Variants in DNASE1 observed in about 807,000 individuals in gnomAD.
DNASE1 encodes the protein deoxyribonuclease 1.
A neutral mutation model predicts 33.9 loss-of-function variants in DNASE1; 40 were observed. The ratio of observed to expected loss-of-function variants is 1.18; its 90% CI spans 0.92 to 1.54. DNASE1 has a LOEUF of 1.54. Among genes scored for constraint, DNASE1 ranks in the 40% most tolerant of loss-of-function variants. DNASE1 has a pLI of 0.00. For missense variants in DNASE1, 518 were observed against 372.6 expected, an observed-to-expected ratio of 1.39 and a Z score of -3.21; for synonymous variants, 216 against 160.0, an observed-to-expected ratio of 1.35 and a Z score of -2.64.
chr16:3,663,929 G>A lies in DNASE1; in HGVS notation c.*5976G>A, dbSNP rs948531425. The A allele has an allele frequency of 1.1e-5, 4 of 357,936 alleles. No individual in the cohort carries two copies. The East Asian group carries it at 2.3e-4, about 21-fold the overall frequency. The allele number at this position is 357,936 out of a possible 1,614,324, so 22.2% of individuals were successfully genotyped here. ...AATACAAAAATTTGCTGGGTGTGGT[G>A]GTGTGCACCTGTAGTCCCAGCTACT... On this transcript the variant is annotated 3_prime_UTR_variant, in exon 10 of 10. Transcript: ENST00000407479.
chr16:3,634,514 C>T (rs1360526206), intron 1 of DNASE1, among the ~76,000 whole-genome samples: 9 of 152,028 alleles, frequency 5.9e-5, no homozygotes, highest in Non-Finnish European at 1.3e-4. Context: ...AGGCATGAGC[C>T]ACTGTGCCTG....
intron 1 of DNASE1, among the ~76,000 whole-genome samples, chr16:3,612,997 C>G (rs564943900): frequency 2.0e-5 from 3 of 152,120 alleles, no homozygotes; most frequent in Admixed American, 6.5e-5. Flanking sequence ...TTAAAAGATA[C>G]AGTATCATAA....
chr16:3,663,179 C>T (rs749547619), exon 10 of DNASE1: 4 of 658,682 alleles, frequency 6.1e-6, no homozygotes, highest in South Asian at 2.0e-5. Context: ...TAAAAAAATA[C>T]ACAGCCTCTC....
chr16:3,639,402 C>T (rs556184582), upstream of DNASE1, among the ~76,000 whole-genome samples: 10 of 152,332 alleles, frequency 6.6e-5, no homozygotes, highest in Admixed American at 2.0e-4. Flanking sequence ...AGCACCCCCA[C>T]ACCAACCCCC....
At position 3,655,964 on chromosome 16, in the gene DNASE1, A is replaced by G. The variant is rs917460182; in HGVS notation, c.236+27A>G. The stretch of plus-strand genomic sequence containing the variant: ...TGGGTGACAGTGGCAGGGTCATAGG[A>G]AGGTGACATCTCGTCCACGGCACAG... On this transcript the variant is annotated intron_variant, in intron 3 of 8. Transcript: ENST00000246949. 16 of 1,613,292 alleles carry G rather than the reference A, an allele frequency of 9.9e-6. No homozygotes were observed. The African/African-American group carries it at 1.9e-4, about 19-fold the overall frequency.
chr16:3,642,575 G>A (rs1225583713), upstream of DNASE1, among the ~76,000 whole-genome samples: 1 of 152,210 alleles, frequency 6.6e-6, no homozygotes, highest in Non-Finnish European at 1.5e-5. Context: ...CCCTGCTCTC[G>A]GTGCTGCCGG....
chr16:3,643,443 C>T (rs966394513), intron 1 of DNASE1, among the ~76,000 whole-genome samples: 2 of 152,212 alleles, frequency 1.3e-5, no homozygotes, highest in Non-Finnish European at 2.9e-5. Context: ...AACCCTGCCT[C>T]GCCGGGACAA....
At chr16:3,635,110 A>G (rs1567194805) in intron 1 of DNASE1, among the ~76,000 whole-genome samples, 1 of 152,244 alleles carries the variant, frequency 6.6e-6, no homozygotes, top group East Asian at 1.9e-4. Flanking sequence ...ATGCACCACC[A>G]TGCCTAGCTG....
upstream of DNASE1, among the ~76,000 whole-genome samples, chr16:3,638,736 T>C (rs1317553443): frequency 6.6e-6 from 1 of 152,248 alleles, no homozygotes; most frequent in Non-Finnish European, 1.5e-5. Context: ...CTGTCTCCTC[T>C]TTGTTTTTCT....
intron 1 of DNASE1, among the ~76,000 whole-genome samples, chr16:3,616,296 T>G (rs1321329229): frequency 6.6e-6 from 1 of 152,174 alleles, no homozygotes; most frequent in Non-Finnish European, 1.5e-5. Flanking sequence ...TTTTAATTTT[T>G]TTGCAGAAGT....
At position 3,649,318 on chromosome 16, in the gene DNASE1, A is replaced by C. The variant is rs531123235; in HGVS notation, c.-85-5643A>C. Among the ~76,000 whole-genome samples, 127 of 152,370 alleles carry C rather than the reference A, an allele frequency of 8.3e-4. 1 individual carries two copies. The highest frequency in any genetic ancestry group is 2.6e-3 in the African/African-American group (109 of 41,588). The stretch of plus-strand genomic sequence containing the variant: ...TGGGTTACTGGGCAGTCCTTTTTGC[A>C]TAGGAAAGGCAGAATACCGCCTTGA... On this transcript the variant is annotated intron_variant, in intron 1 of 9. Coordinates refer to the DNASE1 transcript ENST00000407479.
chr16:3,656,348 T>A (rs1294347218), intron 4 of DNASE1, among the ~76,000 whole-genome samples, 163 bp downstream of exon 4: 2 of 150,796 alleles, frequency 1.3e-5, no homozygotes, highest in African/African-American at 4.9e-5. Context: ...GACCAATGGG[T>A]TGAGCAGGTG....
At position 3,658,056 on chromosome 16, in the gene DNASE1, TAAATTTAGGTAAA is replaced by T. The variant is rs2042816887; in HGVS notation, c.*104_*116del. ...ACACACTCGGGTTAAGAAATACCTT[TAAATTTAGGTAAA>T]TAAAGCTCAAGGAGGTGGGGCTGTC... On this transcript the variant is annotated 3_prime_UTR_variant, in exon 9 of 9. Coordinates refer to ENST00000246949, the MANE Select transcript of DNASE1 (RefSeq NM_005223.4). The T allele has an allele frequency of 6.2e-7, 1 of 1,606,476 alleles. No homozygotes were observed. Among genetic ancestry groups the T allele is most frequent in the Non-Finnish European group, 8.5e-7 (1 of 1,175,226 alleles).
intron 1 of DNASE1, among the ~76,000 whole-genome samples, chr16:3,648,748 G>A (rs531136674): frequency 2.6e-5 from 4 of 152,300 alleles, no homozygotes; most frequent in African/African-American, 7.2e-5. Flanking sequence ...TCAGTGTTCT[G>A]CTTTCCCTGA....
In DNASE1 at chr16:3,657,783, C is replaced by T; in HGVS notation, c.768C>T (p.Asn256=). ...TTCCCGACTCGGCTCTTCCCTTTAA[C>T]TTCCAGGCTGCCTATGGCCTGAGTG... is the stretch of plus-strand genomic sequence containing the variant. ...AVVPDSALPF[N]FQAAYGLSDQ... is the part of the protein sequence containing the mutation. The change falls in exon 8 of 9, where the codon AAC becomes AAT. Residue 256 remains asparagine (N), a synonymous_variant. Coordinates refer to ENST00000246949, the MANE Select transcript of DNASE1 (RefSeq NM_005223.4). 6.2e-7 allele frequency: 1 copy of T among 1,614,112 alleles called. No homozygotes were observed. Among genetic ancestry groups the T allele is most frequent in the Non-Finnish European group, 8.5e-7 (1 of 1,180,030 alleles).
At chr16:3,625,851 ACACTT>A (rs1172759229) in intron 1 of DNASE1, among the ~76,000 whole-genome samples, 1 of 152,018 alleles carries the variant, frequency 6.6e-6, no homozygotes, top group African/African-American at 2.4e-5. Flanking sequence ...TGTAATCCCA[ACACTT>A]CAGGAGGCCG....
rs377081589 is a variant in DNASE1, at chr16:3,657,164, C to T, written c.550-23C>T. ...CCAGCGGCCTCCGCATGTCCCAGGG[C>T]CACAGGCAGCGTTTCCTGGTAGGAC... is the stretch of plus-strand genomic sequence containing the variant. On this transcript the variant is annotated intron_variant, in intron 6 of 8. Coordinates refer to ENST00000246949, the MANE Select transcript of DNASE1 (RefSeq NM_005223.4). The T allele has an allele frequency of 1.6e-5, 26 of 1,614,056 alleles. No individual in the cohort carries two copies. In the African/African-American group the frequency reaches 2.9e-4, roughly 18 times the overall value.
intron 1 of DNASE1, among the ~76,000 whole-genome samples, chr16:3,614,599 G>A (rs2041034146): frequency 6.6e-6 from 1 of 152,162 alleles, no homozygotes; most frequent in Non-Finnish European, 1.5e-5. Context: ...ACCTGGCCAT[G>A]GATGATTTAG....
intron 5 of DNASE1, 96 bp downstream of exon 5, chr16:3,656,849 T>TC: frequency 6.5e-7 from 1 of 1,537,856 alleles, no homozygotes; most frequent in Non-Finnish European, 8.8e-7. Flanking sequence ...CACACTGCCC[T>TC]CCCAGTCCCT....
Sources: allele counts gnomAD v4.1 joint callset (sites outside exome capture counted in the v4.1 genomes callset), GRCh38; gene constraint gnomAD v4.1.1; transcripts MANE v1.5; gene names NCBI Gene and HGNC (gene_info 2026-07-23, HGNC 2026-07-21).